RBFOX1: variants seen among roughly 807,000 people sequenced by gnomAD.
RBFOX1 encodes the protein RNA binding fox-1 homolog 1.
RBFOX1 carries 8 observed loss-of-function variants against 57.7 expected under a neutral mutation model. The ratio of observed to expected loss-of-function variants is 0.14; its 90% CI spans 0.08 to 0.25. The LOEUF is 0.25. Ranked by LOEUF, RBFOX1 falls within the 10% of genes least tolerant of loss-of-function variation. The pLI is 1.00. For missense variants in RBFOX1, 611 were observed against 548.5 expected, an observed-to-expected ratio of 1.11 and a Z score of -1.14; for synonymous variants, 326 against 222.4, an observed-to-expected ratio of 1.47 and a Z score of -4.15.
At chr16:6,880,707 C>G (rs1315551797) in intron 3 of RBFOX1, among the ~76,000 whole-genome samples, 1 of 152,142 alleles carries the variant, frequency 6.6e-6, no homozygotes, top group Non-Finnish European at 1.5e-5. Flanking sequence ...GTTCCAGAGT[C>G]AGTTTGACTT....
chr16:7,506,294 C>G (rs115332578), intron 4 of RBFOX1, among the ~76,000 whole-genome samples: 3,774 of 150,116 alleles, frequency 0.025, 142 homozygotes, highest in African/African-American at 0.088. Flanking sequence ...AATTCATCTC[C>G]AAGTATTTAA....
At chr16:5,992,340 A>G (rs2060414819) in intron 4 of RBFOX1, among the ~76,000 whole-genome samples, 1 of 152,250 alleles carries the variant, frequency 6.6e-6, no homozygotes, top group Non-Finnish European at 1.5e-5. Flanking sequence ...CTGTTCAGCA[A>G]AAGCTACTTC....
intron 3 of RBFOX1, among the ~76,000 whole-genome samples, chr16:5,761,281 C>T (rs2053580376): frequency 6.6e-6 from 1 of 152,178 alleles, no homozygotes; most frequent in African/African-American, 2.4e-5. Flanking sequence ...GGATCACCTT[C>T]AGAATGTGCC....
intron 1 of RBFOX1, among the ~76,000 whole-genome samples, chr16:5,443,837 AT>A (rs1381483835): frequency 6.6e-6 from 1 of 152,188 alleles, no homozygotes. Context: ...ATGGTCACCT[AT>A]TTTTTGAAAG....
At chr16:7,269,893 C>T (rs2095274932) in intron 4 of RBFOX1, among the ~76,000 whole-genome samples, 2 of 152,206 alleles carry the variant, frequency 1.3e-5, no homozygotes, top group Non-Finnish European at 2.9e-5. Context: ...TATTAGCATA[C>T]CGTTTAATCT....
At chr16:5,407,104 G>T (rs1271230383) in intron 1 of RBFOX1, among the ~76,000 whole-genome samples, 1 of 152,140 alleles carries the variant, frequency 6.6e-6, no homozygotes, top group African/African-American at 2.4e-5. Context: ...AAGGCAGAAG[G>T]GGAAGCAGGC....
intron 3 of RBFOX1, among the ~76,000 whole-genome samples, chr16:6,958,438 C>T (rs1430811721): frequency 6.6e-6 from 1 of 152,086 alleles, no homozygotes; most frequent in Non-Finnish European, 1.5e-5. Context: ...AAGCATTGGG[C>T]AAGGACCTTC....
chr16:7,307,954 C>G (rs1331598054), intron 4 of RBFOX1, among the ~76,000 whole-genome samples: 2 of 152,180 alleles, frequency 1.3e-5, no homozygotes, highest in Non-Finnish European at 2.9e-5. Flanking sequence ...ACTCACATAT[C>G]CCCAATACTT....
intron 3 of RBFOX1, among the ~76,000 whole-genome samples, chr16:5,854,263 G>T (rs1430328407): frequency 6.6e-6 from 1 of 152,198 alleles, no homozygotes; most frequent in Non-Finnish European, 1.5e-5. Flanking sequence ...TCACAAGACT[G>T]TGCATTAATG....
intron 2 of RBFOX1, among the ~76,000 whole-genome samples, chr16:6,358,580 G>T (rs1424744448): frequency 6.6e-6 from 1 of 152,144 alleles, no homozygotes; most frequent in Non-Finnish European, 1.5e-5. Context: ...ATTACTATGA[G>T]CCAGATTCTT....
intron 2 of RBFOX1, among the ~76,000 whole-genome samples, chr16:6,330,571 G>A (rs1359200404): frequency 6.6e-6 from 1 of 152,162 alleles, no homozygotes; most frequent in East Asian, 1.9e-4. Flanking sequence ...GGGAACTACA[G>A]CAATTCATTC....
intron 3 of RBFOX1, among the ~76,000 whole-genome samples, chr16:6,858,066 T>G (rs1355314460): frequency 6.6e-6 from 1 of 152,196 alleles, no homozygotes; most frequent in Non-Finnish European, 1.5e-5. Context: ...TGGCCTTGCT[T>G]AAAGTTTTTC....
At position 6,161,107 on chromosome 16, in the gene RBFOX1, G is replaced by A. The variant is rs1438120272; in HGVS notation, c.-127+141115G>A. 5.3e-5 allele frequency among the ~76,000 whole-genome samples: 8 copies of A among 152,172 alleles called. No homozygotes were observed. The East Asian group carries it at 5.8e-4, about 11-fold the overall frequency. On this transcript the variant is annotated intron_variant, in intron 1 of 15. Coordinates refer to ENST00000550418, the MANE Select transcript of RBFOX1 (RefSeq NM_018723.4). ...ATAAATAAATGGAGAAGTGATCACTGGCTGGGCACAGTGACTCATGCTTGT... is the reference window on the plus strand; with the variant it reads ...ATAAATAAATGGAGAAGTGATCACTAGCTGGGCACAGTGACTCATGCTTGT...
chr16:6,440,939 C>T (rs569236110), intron 2 of RBFOX1, among the ~76,000 whole-genome samples: 1 of 151,930 alleles, frequency 6.6e-6, no homozygotes, highest in African/African-American at 2.4e-5. Flanking sequence ...GCTTGATATT[C>T]AGAGCTGGAG....
intron 4 of RBFOX1, among the ~76,000 whole-genome samples, chr16:5,927,484 G>A (rs879894891): frequency 3.9e-5 from 6 of 152,164 alleles, no homozygotes; most frequent in Non-Finnish European, 8.8e-5. Flanking sequence ...GAGAACGCTT[G>A]TACACTGCTA....
intron 3 of RBFOX1, among the ~76,000 whole-genome samples, chr16:6,666,642 C>A (rs2098734860): frequency 6.6e-6 from 1 of 152,012 alleles, no homozygotes; most frequent in South Asian, 2.1e-4. Flanking sequence ...CTCTTAACCT[C>A]TAGGCTGTAC....
At chr16:7,002,292 G>A (rs1018949377) in intron 3 of RBFOX1, among the ~76,000 whole-genome samples, 2 of 152,198 alleles carry the variant, frequency 1.3e-5, no homozygotes, top group African/African-American at 4.8e-5. Flanking sequence ...AAGCATGTGA[G>A]CCAGTGCATT....
At chr16:5,384,116 T>C (rs1046974537) in intron 1 of RBFOX1, among the ~76,000 whole-genome samples, 1 of 152,226 alleles carries the variant, frequency 6.6e-6, no homozygotes, top group Non-Finnish European at 1.5e-5. Flanking sequence ...TGGGGTTCTG[T>C]CTTACTGGCT....
chr16:5,293,430 T>G (rs780977078), intron 1 of RBFOX1, among the ~76,000 whole-genome samples: 21 of 152,186 alleles, frequency 1.4e-4, no homozygotes, highest in Non-Finnish European at 2.5e-4. Context: ...TTATTTCATC[T>G]GCACCCAACC....
Sources: gnomAD v4.1 joint callset for allele counts (sites outside exome capture counted in the v4.1 genomes callset) on GRCh38, gnomAD v4.1.1 for gene constraint, MANE v1.5 for transcripts, NCBI Gene and HGNC (gene_info 2026-07-23, HGNC 2026-07-21) for gene names.